CWC27: variants seen among roughly 807,000 people sequenced by gnomAD.
The protein encoded by CWC27 is CWC27 spliceosome associated cyclophilin.
Under a neutral mutation model 63.6 loss-of-function variants are expected in CWC27, and 47 were observed. That is an observed-to-expected ratio of 0.74 (90% CI 0.58 to 0.94). The LOEUF (loss-of-function observed/expected upper bound fraction) is 0.94, where lower values mean the gene tolerates loss of function less well. Ranked by LOEUF, CWC27 falls within the 40% of genes least tolerant of loss-of-function variation. CWC27 has a pLI of 0.00. For missense variants in CWC27, 495 were observed against 554.3 expected, an observed-to-expected ratio of 0.89 and a Z score of 1.07; for synonymous variants, 175 against 179.8, an observed-to-expected ratio of 0.97 and a Z score of 0.22.
chr5:64,771,988 T>C (rs1157145019), intron 1 of CWC27, among the ~76,000 whole-genome samples: 1 of 152,236 alleles, frequency 6.6e-6, no homozygotes, highest in East Asian at 1.9e-4. Context: ...TCATTTACTT[T>C]TCTAAGCAGT....
rs1744478053 is a variant in CWC27 at position 64,801,332 on chromosome 5, T to C, written c.780T>C (p.Asp260=). The C allele has an allele frequency of 3.6e-6, 5 of 1,385,126 alleles. No individual in the cohort carries two copies. The highest frequency in any genetic ancestry group is 4.8e-6 in the Non-Finnish European group (5 of 1,031,852). 85.8% of individuals were successfully genotyped at this position (1,385,126 alleles called of 1,614,324 possible). ...AAGGTGATGCACCAGATTTAGTTGA[T>C]GTAAGTATTTATTTTGGTATTAATA... ...SEKGDAPDLV[D]DGEDESAEHD... The change falls in exon 9 of 14, where the codon GAT becomes GAC. Residue 260 remains aspartate, a splice_region_variant and synonymous_variant. Transcript: ENST00000381070.
In CWC27 at chr5:64,937,975, C is replaced by G. The variant is rs570925181; in HGVS notation, c.1043-33728C>G. On this transcript the variant is annotated intron_variant, in intron 11 of 13. Coordinates refer to ENST00000381070, the MANE Select transcript of CWC27 (RefSeq NM_005869.4). The stretch of plus-strand genomic sequence containing the variant: ...TTGCTTTGTAAATATTCCTCCATCC[C>G]TTTATTTTGAGCCTATGTGTGTCTT... 5.3e-4 allele frequency among the ~76,000 whole-genome samples: 77 copies of G among 145,660 alleles called. 2 individuals carry two copies. In the South Asian group the frequency reaches 9.6e-3, roughly 18 times the overall value.
chr5:64,776,068 CGA>C (rs70983650), intron 2 of CWC27, among the ~76,000 whole-genome samples: 1,160 of 108,476 alleles, frequency 0.011, 10 homozygotes, highest in Admixed American at 0.014. Flanking sequence ...AGGAGTGGAG[CGA>C]GAGAGAGAGA....
chr5:64,800,824 T>G (rs1744461915), intron 8 of CWC27, among the ~76,000 whole-genome samples: 2 of 152,168 alleles, frequency 1.3e-5, no homozygotes, highest in Admixed American at 1.3e-4. Context: ...GGAAAACGTC[T>G]TGGTGTTAGA....
At chr5:64,991,128 C>G (rs930452359) in intron 13 of CWC27, among the ~76,000 whole-genome samples, 2 of 152,212 alleles carry the variant, frequency 1.3e-5, no homozygotes, top group African/African-American at 4.8e-5. Context: ...ACTGCTTTCA[C>G]AGTCATTGGC....
At chr5:64,797,302 A>C (rs1744310005) in intron 7 of CWC27, among the ~76,000 whole-genome samples, 1 of 152,144 alleles carries the variant, frequency 6.6e-6, no homozygotes, top group African/African-American at 2.4e-5. Context: ...TAGGTCATTA[A>C]GAAAGAATAG....
chr5:64,951,158 C>A (rs1216825750), intron 11 of CWC27, among the ~76,000 whole-genome samples: 1 of 151,840 alleles, frequency 6.6e-6, no homozygotes, highest in Non-Finnish European at 1.5e-5. Context: ...AACCTGTCTT[C>A]CAAAGTGGCT....
intron 12 of CWC27, among the ~76,000 whole-genome samples, chr5:64,974,233 A>G (rs1225780973): frequency 6.6e-6 from 1 of 151,908 alleles, no homozygotes; most frequent in East Asian, 1.9e-4. Flanking sequence ...GTGAGACTCT[A>G]TCTCTTAAAA....
intron 2 of CWC27, among the ~76,000 whole-genome samples, chr5:64,775,826 G>A (rs1743421295): frequency 6.6e-6 from 1 of 151,858 alleles, no homozygotes; most frequent in Non-Finnish European, 1.5e-5. Context: ...CATATGGTTT[G>A]GAATATCTCC....
chr5:64,886,491 C>G (rs1747075032), intron 11 of CWC27, among the ~76,000 whole-genome samples: 1 of 151,990 alleles, frequency 6.6e-6, no homozygotes, highest in Admixed American at 6.6e-5. Context: ...GTTTTACCTA[C>G]TAGATTCTAT....
At chr5:64,821,014 T>C (rs1745182181) in intron 10 of CWC27, among the ~76,000 whole-genome samples, 1 of 151,308 alleles carries the variant, frequency 6.6e-6, no homozygotes, top group Non-Finnish European at 1.5e-5. Context: ...TTGCAAACCA[T>C]ATATCTGATA....
At chr5:64,925,289 CT>C (rs1748084134) in intron 11 of CWC27, among the ~76,000 whole-genome samples, 1 of 152,142 alleles carries the variant, frequency 6.6e-6, no homozygotes, top group Admixed American at 6.5e-5. Context: ...TGAATTTCCT[CT>C]TTTTGTCTGC....
At chr5:64,901,444 C>T (rs1169868774) in intron 11 of CWC27, among the ~76,000 whole-genome samples, 13 of 141,910 alleles carry the variant, frequency 9.2e-5, no homozygotes, top group African/African-American at 2.9e-4. Flanking sequence ...GGTGACAGAG[C>T]GAGACTCCAT....
intron 10 of CWC27, among the ~76,000 whole-genome samples, chr5:64,814,841 C>T (rs887125528): frequency 2.0e-5 from 3 of 152,146 alleles, no homozygotes; most frequent in Non-Finnish European, 4.4e-5. Flanking sequence ...TAGATTATTA[C>T]ACTAGTCCAG....
At chr5:64,974,273 A>G (rs2116303) in intron 12 of CWC27, among the ~76,000 whole-genome samples, 9,177 of 151,922 alleles carry the variant, frequency 0.06, 782 homozygotes, top group African/African-American at 0.19. Flanking sequence ...CTTTTAAGCT[A>G]TAGTGTATTA....
intron 13 of CWC27, among the ~76,000 whole-genome samples, chr5:64,989,494 T>C (rs189097656): frequency 1.1e-4 from 16 of 152,356 alleles, no homozygotes; most frequent in African/African-American, 3.6e-4. Context: ...AATGTATTTC[T>C]TGGGAAAAGC....
At chr5:64,817,107 C>G (rs1178477788) in intron 10 of CWC27, among the ~76,000 whole-genome samples, 3 of 152,070 alleles carry the variant, frequency 2.0e-5, no homozygotes, top group African/African-American at 7.2e-5. Context: ...CTATTACCCA[C>G]TTTACTCTTT....
intron 11 of CWC27, among the ~76,000 whole-genome samples, chr5:64,922,276 A>T (rs192383976): frequency 6.6e-6 from 1 of 152,310 alleles, no homozygotes; most frequent in East Asian, 1.9e-4. Context: ...TCAATGAATT[A>T]TAGGTTTGGT....
In CWC27 at chr5:64,803,848, A is replaced by G. The variant is rs145858032; in HGVS notation, c.781-381A>G. Among the ~76,000 whole-genome samples, 771 of 152,160 alleles carry G rather than the reference A, an allele frequency of 5.1e-3. 6 individuals are homozygous for G. The highest frequency in any genetic ancestry group is 0.017 in the African/African-American group (724 of 41,550). ...TCTGCACTACACCTCTTCTACTTGA[A>G]TTGATCCCTGTTGAGGTCAGTATGC... On this transcript the variant is annotated intron_variant, in intron 9 of 13. Coordinates refer to ENST00000381070, the MANE Select transcript of CWC27 (RefSeq NM_005869.4).
Sources: allele counts gnomAD v4.1 joint callset (sites outside exome capture counted in the v4.1 genomes callset), GRCh38; gene constraint gnomAD v4.1.1; transcripts MANE v1.5; gene names NCBI Gene and HGNC (gene_info 2026-07-23, HGNC 2026-07-21).